SLC39A11: variants seen among roughly 807,000 people sequenced by gnomAD.
The protein encoded by SLC39A11 is zinc transporter ZIP11.
A neutral mutation model predicts 36.1 loss-of-function variants in SLC39A11; 33 were observed. That is an observed-to-expected ratio of 0.91 (90% CI 0.69 to 1.22). SLC39A11 has a LOEUF of 1.22. Ranked by LOEUF, SLC39A11 falls within the 50% of genes most tolerant of loss-of-function variation. The pLI is 0.00. For missense variants in SLC39A11, 432 were observed against 430.3 expected, an observed-to-expected ratio of 1.00 and a Z score of -0.03; for synonymous variants, 166 against 170.3, an observed-to-expected ratio of 0.97 and a Z score of 0.20.
At chr17:72,956,314 A>C (rs1450280024) in intron 4 of SLC39A11, among the ~76,000 whole-genome samples, 1 of 152,208 alleles carries the variant, frequency 6.6e-6, no homozygotes, top group Admixed American at 6.5e-5. Flanking sequence ...AAGCGTATTT[A>C]AGCACATAAA....
At chr17:72,980,744 G>T (rs2088238512) in intron 4 of SLC39A11, among the ~76,000 whole-genome samples, 1 of 152,168 alleles carries the variant, frequency 6.6e-6, no homozygotes, top group African/African-American at 2.4e-5. Context: ...AGAATGTGAG[G>T]CTGGGCACGG....
chr17:72,918,316 G>C (rs1197452512), intron 5 of SLC39A11, among the ~76,000 whole-genome samples: 3 of 152,244 alleles, frequency 2.0e-5, no homozygotes, highest in Admixed American at 6.5e-5. Flanking sequence ...GTCTGAGGCA[G>C]GAGAATCGCT....
intron 5 of SLC39A11, among the ~76,000 whole-genome samples, chr17:72,874,618 G>T (rs2080801894): frequency 6.6e-6 from 1 of 152,162 alleles, no homozygotes; most frequent in Admixed American, 6.5e-5. Flanking sequence ...GAAAATGCAG[G>T]TTCCTGTCTC....
At chr17:72,853,007 TTTGATTGATTGA>T (rs71154923) in intron 5 of SLC39A11, among the ~76,000 whole-genome samples, 38 of 151,490 alleles carry the variant, frequency 2.5e-4, no homozygotes, top group South Asian at 1.3e-3. Context: ...CTTGCAGACT[TTTGATTGATTGA>T]TTGATTGATT....
At chr17:73,056,613 C>T (rs1039173708) in intron 3 of SLC39A11, among the ~76,000 whole-genome samples, 7 of 152,176 alleles carry the variant, frequency 4.6e-5, no homozygotes, top group Non-Finnish European at 1.0e-4. Context: ...ATGACAAAGA[C>T]GGGACTGAGT....
intron 4 of SLC39A11, among the ~76,000 whole-genome samples, chr17:72,969,824 T>C (rs889130119): frequency 6.6e-6 from 1 of 152,216 alleles, no homozygotes; most frequent in Admixed American, 6.5e-5. Context: ...AAAAAAATTA[T>C]GACACAGGCC....
At chr17:73,086,622 C>G (rs1407267650) in intron 2 of SLC39A11, among the ~76,000 whole-genome samples, 1 of 152,046 alleles carries the variant, frequency 6.6e-6, no homozygotes, top group African/African-American at 2.4e-5. Context: ...GAGCTCAAAA[C>G]CTGCCTGAGC....
chr17:72,905,824 G>A, intron 5 of SLC39A11, among the ~76,000 whole-genome samples: 1 of 151,838 alleles, frequency 6.6e-6, no homozygotes, highest in Non-Finnish European at 1.5e-5. Flanking sequence ...CGTGATCTCA[G>A]CTCACTGCAA....
At chr17:72,964,608 T>C (rs2086833197) in intron 4 of SLC39A11, among the ~76,000 whole-genome samples, 1 of 152,182 alleles carries the variant, frequency 6.6e-6, no homozygotes, top group East Asian at 1.9e-4. Context: ...TAAGTGCTAG[T>C]GTGAGATACT....
Position 73,060,242 on chromosome 17 carries a change from GA to G in SLC39A11, c.147+24565del, listed in dbSNP as rs1207066423. The stretch of plus-strand genomic sequence containing the variant: ...AAAAAAAAAAAAAAGAAAGAAAAAA[GA>G]AAAAAAAAGAAAACAAGGTAAAAAA... On this transcript the variant is annotated intron_variant, in intron 3 of 9. Coordinates refer to ENST00000255559, the MANE Select transcript of SLC39A11 (RefSeq NM_139177.4). Among the ~76,000 whole-genome samples the G allele has an allele frequency of 8.2e-5, 10 of 121,956 alleles. No individual in the cohort carries two copies. In the East Asian group the frequency reaches 2.0e-3, roughly 24 times the overall value. 80.0% of individuals were successfully genotyped at this position (121,956 alleles called of 152,430 possible).
At chr17:73,048,013 A>ATATATATATATATATATATATG (rs2059376675) in intron 3 of SLC39A11, among the ~76,000 whole-genome samples, 1 of 76,418 alleles carries the variant, frequency 1.3e-5, no homozygotes, top group Non-Finnish European at 2.7e-5. Context: ...ATATATATAT[A>ATATATATATATATATATATATG]TATATATATA....
intron 6 of SLC39A11, among the ~76,000 whole-genome samples, chr17:72,809,225 C>CTCTCTCTCTCTCTCTCTT (rs1568127678): frequency 9.9e-5 from 15 of 150,918 alleles, no homozygotes; most frequent in African/African-American, 3.7e-4. Flanking sequence ...CTCTCTCTCT[C>CTCTCTCTCTCTCTCTCTT]TCTTTCTTTC....
chr17:73,056,145 T>C (rs567903637), intron 3 of SLC39A11, among the ~76,000 whole-genome samples: 1 of 150,906 alleles, frequency 6.6e-6, no homozygotes, highest in South Asian at 2.1e-4. Context: ...GGTGAATGCC[T>C]CTCAGATTGG....
chr17:72,914,397 T>C (rs1232931769), intron 5 of SLC39A11, among the ~76,000 whole-genome samples: 1 of 151,994 alleles, frequency 6.6e-6, no homozygotes, highest in African/African-American at 2.4e-5. Context: ...TATAACTACT[T>C]ATATAGCAGT....
chr17:72,960,746 G>A (rs1351396563), intron 4 of SLC39A11, among the ~76,000 whole-genome samples: 1 of 152,054 alleles, frequency 6.6e-6, no homozygotes, highest in Non-Finnish European at 1.5e-5. Flanking sequence ...AACAGCTGAA[G>A]GCTGCAGTGA....
chr17:73,044,743 G>T (rs926909789), intron 3 of SLC39A11, among the ~76,000 whole-genome samples: 10 of 151,986 alleles, frequency 6.6e-5, no homozygotes, highest in Non-Finnish European at 1.0e-4. Context: ...GGATGGTGGT[G>T]GGTACCTGTA....
chr17:72,890,515 T>C (rs1408670333), intron 5 of SLC39A11, among the ~76,000 whole-genome samples: 1 of 152,080 alleles, frequency 6.6e-6, no homozygotes, highest in Non-Finnish European at 1.5e-5. Flanking sequence ...CTGAGTAGAT[T>C]TGGTTCCATT....
At chr17:73,031,857 T>C (rs138443188) in intron 3 of SLC39A11, 143 bp from the exon 4 acceptor site, 4 of 834,408 alleles carry the variant, frequency 4.8e-6, no homozygotes, top group African/African-American at 3.5e-5. Context: ...GGAGGTACTA[T>C]CAGAAACCAA....
At chr17:72,722,234 C>T (rs2073714200) in intron 7 of SLC39A11, among the ~76,000 whole-genome samples, 1 of 152,174 alleles carries the variant, frequency 6.6e-6, no homozygotes, top group Admixed American at 6.5e-5. Flanking sequence ...CTCCCCTTCC[C>T]TCCCTGCCCT....
Sources: allele counts gnomAD v4.1 joint callset (sites outside exome capture counted in the v4.1 genomes callset), GRCh38; gene constraint gnomAD v4.1.1; transcripts MANE v1.5; gene names NCBI Gene and HGNC (gene_info 2026-07-23, HGNC 2026-07-21).